WDR72: variants seen among roughly 807,000 people sequenced by gnomAD.
The protein encoded by WDR72 is WD repeat-containing protein 72.
In WDR72, 120 loss-of-function variants were observed where a neutral mutation model predicts 124.2. The observed-to-expected ratio is 0.97, with a 90% CI of 0.83 to 1.12. The LOEUF is 1.12. Among genes scored for constraint, WDR72 ranks in the 50% most tolerant of loss-of-function variants. The pLI is 0.00. For missense variants in WDR72, 1,387 were observed against 1,278.8 expected (o/e 1.08, Z -1.29); for synonymous variants, 452 against 441.7 (o/e 1.02, Z -0.29).
chr15:53,655,373 A>G (rs1330749612), intron 14 of WDR72, among the ~76,000 whole-genome samples: 1 of 152,182 alleles, frequency 6.6e-6, no homozygotes, highest in Non-Finnish European at 1.5e-5. Context: ...ATCATATAAT[A>G]AAAACTTTGT....
chr15:53,525,702 T>C (rs535502076), intron 18 of WDR72, among the ~76,000 whole-genome samples: 44 of 152,108 alleles, frequency 2.9e-4, no homozygotes, highest in South Asian at 1.7e-3. Context: ...CACTAGTAGG[T>C]ACCATGCTAC....
intron 18 of WDR72, among the ~76,000 whole-genome samples, chr15:53,534,316 C>T (rs1892637803): frequency 6.6e-6 from 1 of 152,024 alleles, no homozygotes; most frequent in Non-Finnish European, 1.5e-5. Context: ...TATCTCTAGG[C>T]CAAAGCATCA....
intron 18 of WDR72, among the ~76,000 whole-genome samples, chr15:53,596,230 ATATT>A (rs1566975677): frequency 2.0e-5 from 3 of 152,202 alleles, no homozygotes; most frequent in Non-Finnish European, 4.4e-5. Context: ...ACAAAAACAC[ATATT>A]TAATCACATG....
At chr15:53,631,248 G>A (rs1223976638) in intron 14 of WDR72, among the ~76,000 whole-genome samples, 2 of 151,968 alleles carry the variant, frequency 1.3e-5, no homozygotes, top group Non-Finnish European at 2.9e-5. Flanking sequence ...CCCCTCCCTC[G>A]CTCCTTCTCC....
Position 53,679,489 on chromosome 15 carries a change from G to C in WDR72, c.1766-13721C>G, listed in dbSNP as rs566070012. On this transcript the variant is annotated intron_variant, in intron 13 of 19. Transcript: ENST00000360509. ...TAGAAGTAGGGCAGTCTGAGAAAGAGGGACCATTGGCCATCAGGAGAAGGC... is the reference window on the plus strand; with the variant it reads ...TAGAAGTAGGGCAGTCTGAGAAAGACGGACCATTGGCCATCAGGAGAAGGC... 3.2e-4 allele frequency among the ~76,000 whole-genome samples: 49 copies of C among 152,262 alleles called. No individual in the cohort carries two copies. In the South Asian group the frequency reaches 5.0e-3, roughly 15 times the overall value.
At chr15:53,681,538 C>T (rs79915263) in intron 13 of WDR72, among the ~76,000 whole-genome samples, 1,959 of 152,204 alleles carry the variant, frequency 0.013, 32 homozygotes, top group East Asian at 0.067. Flanking sequence ...CCACAGGAAT[C>T]GCTAAAACTG....
chr15:53,520,528 G>A (rs1370665352), intron 19 of WDR72, among the ~76,000 whole-genome samples: 1 of 152,050 alleles, frequency 6.6e-6, no homozygotes, highest in Non-Finnish European at 1.5e-5. Context: ...ATACACTAAT[G>A]CAATTGTAAG....
At chr15:53,568,413 AT>A (rs907474133) in intron 18 of WDR72, among the ~76,000 whole-genome samples, 1 of 151,966 alleles carries the variant, frequency 6.6e-6, no homozygotes, top group African/African-American at 2.4e-5. Flanking sequence ...GACAGACGCT[AT>A]TTGAACAACA....
intron 18 of WDR72, among the ~76,000 whole-genome samples, chr15:53,561,471 C>T (rs1010238363): frequency 1.3e-5 from 2 of 151,704 alleles, no homozygotes; most frequent in African/African-American, 2.4e-5. Flanking sequence ...AAAATAAGTG[C>T]ATACTTTGCT....
rs1005148519 is a variant in WDR72, at chr15:53,590,039, T to C, written c.3148+7040A>G. 3.9e-5 allele frequency among the ~76,000 whole-genome samples: 6 copies of C among 152,058 alleles called. No individual in the cohort carries two copies. In the South Asian group the frequency reaches 6.2e-4, roughly 16 times the overall value. ...ATATTTTAAACCTAAATGACTACAA[T>C]GCTTTTTGAAAAGTAGGTAATGTAT... On this transcript the variant is annotated intron_variant, in intron 18 of 19. Transcript: ENST00000360509.
At chr15:53,719,329 G>T (rs1007261003) in intron 3 of WDR72, among the ~76,000 whole-genome samples, 1 of 151,964 alleles carries the variant, frequency 6.6e-6, no homozygotes, top group African/African-American at 2.4e-5. Context: ...TTAAGTGCTG[G>T]TTTTCCCTAG....
intron 14 of WDR72, among the ~76,000 whole-genome samples, chr15:53,661,428 G>A (rs1343745315): frequency 6.6e-6 from 1 of 152,070 alleles, no homozygotes; most frequent in African/African-American, 2.4e-5. Context: ...CCTGGAAACT[G>A]ATAGAGCTCA....
chr15:53,705,992 G>C lies in WDR72; in HGVS notation c.1037C>G (p.Ser346Ter). The C allele has an allele frequency of 6.2e-7, 1 of 1,614,056 alleles. No individual in the cohort carries two copies. Among genetic ancestry groups the C allele is most frequent in the Non-Finnish European group, 8.5e-7 (1 of 1,180,008 alleles). The change falls in exon 10 of 20, where the codon TCA becomes TGA. Residue 346 changes from serine to a stop codon, truncating the protein, a stop_gained. Coordinates refer to ENST00000360509, the MANE Select transcript of WDR72 (RefSeq NM_182758.4). LOFTEE classifies it high-confidence loss of function. ...GATGTGCCACAAAGTAATTCTTCCT[G>C]AGACTTCTCCAGAGAAAAGTACCTT... ...FYKVLFSGEV[S>*]GRITLWHIPD...
rs530119416 is a variant in WDR72 at position 53,595,645 on chromosome 15, T to G, written c.3148+1434A>C. On this transcript the variant is annotated intron_variant, in intron 18 of 19. Transcript: ENST00000360509. ...CAATGAACAAGTAACACTAGCTGACTTGGGAGAGGTGGAAGAAACCTATCA... is the reference window on the plus strand; with the variant it reads ...CAATGAACAAGTAACACTAGCTGACGTGGGAGAGGTGGAAGAAACCTATCA... Among the ~76,000 whole-genome samples the G allele has an allele frequency of 3.9e-5, 6 of 152,242 alleles. No individual in the cohort carries two copies. In the South Asian group the frequency reaches 1.2e-3, roughly 32 times the overall value.
At chr15:53,705,653 G>A (rs1258991764) in intron 10 of WDR72, among the ~76,000 whole-genome samples, 1 of 152,048 alleles carries the variant, frequency 6.6e-6, no homozygotes, top group Non-Finnish European at 1.5e-5. Flanking sequence ...AGTAGAGACG[G>A]GGTTTCACCG....
chr15:53,690,422 T>G (rs2016800981), intron 13 of WDR72, among the ~76,000 whole-genome samples: 1 of 152,176 alleles, frequency 6.6e-6, no homozygotes, highest in Non-Finnish European at 1.5e-5. Context: ...CATTAAGTAA[T>G]CATTCCCCAT....
intron 17 of WDR72, among the ~76,000 whole-genome samples, chr15:53,601,906 C>T (rs1323081792): frequency 3.3e-5 from 5 of 152,128 alleles, no homozygotes; most frequent in African/African-American, 1.2e-4. Flanking sequence ...GAGACTTTAA[C>T]ACCCCACTGA....
intron 17 of WDR72, among the ~76,000 whole-genome samples, chr15:53,605,401 T>A (rs1566979811): frequency 6.6e-6 from 1 of 152,210 alleles, no homozygotes; most frequent in African/African-American, 2.4e-5. Flanking sequence ...CTAGGCTTAA[T>A]GCCTGAGTGA....
chr15:53,685,492 G>T (rs1426005144), intron 13 of WDR72, among the ~76,000 whole-genome samples: 1 of 139,246 alleles, frequency 7.2e-6, no homozygotes, highest in African/African-American at 2.8e-5. Flanking sequence ...GAAATGAAGC[G>T]AGAAGGGAAG....
Sources: gnomAD v4.1 joint callset for allele counts (sites outside exome capture counted in the v4.1 genomes callset) on GRCh38, gnomAD v4.1.1 for gene constraint, MANE v1.5 for transcripts, NCBI Gene and HGNC (gene_info 2026-07-23, HGNC 2026-07-21) for gene names.